Variants in GPR149 observed in about 807,000 individuals in gnomAD.
GPR149 encodes probable G protein-coupled receptor 149.
In GPR149, 50 loss-of-function variants were observed where a neutral mutation model predicts 50.2. That is an observed-to-expected ratio of 1.00 (90% CI 0.79 to 1.26). GPR149 has a LOEUF of 1.26. Among genes scored for constraint, GPR149 ranks in the 50% most tolerant of loss-of-function variants. The probability of loss-of-function intolerance (pLI) is 0.00; values close to 1 mark genes in which losing one functional copy is unlikely to be tolerated. For missense variants in GPR149, 983 were observed against 895.4 expected (o/e 1.10, Z -1.25); for synonymous variants, 405 against 358.2 (o/e 1.13, Z -1.48).
At chr3:154,396,576 T>C (rs1449648384) in intron 3 of GPR149, among the ~76,000 whole-genome samples, 1 of 152,086 alleles carries the variant, frequency 6.6e-6, no homozygotes, top group African/African-American at 2.4e-5. Flanking sequence ...GTATCATTTT[T>C]AGGGAGTTTA....
chr3:154,349,520 A>C (rs1044913901), intron 3 of GPR149, among the ~76,000 whole-genome samples: 4 of 152,228 alleles, frequency 2.6e-5, no homozygotes, highest in Non-Finnish European at 5.9e-5. Flanking sequence ...CTTGTAAAAC[A>C]AACTACTACA....
intron 3 of GPR149, among the ~76,000 whole-genome samples, chr3:154,403,150 A>G (rs1346739768): frequency 1.3e-5 from 2 of 152,224 alleles, no homozygotes; most frequent in Non-Finnish European, 2.9e-5. Flanking sequence ...GGATAGAAAC[A>G]TGAAGGATAA....
intron 3 of GPR149, among the ~76,000 whole-genome samples, chr3:154,347,939 T>G (rs956488871): frequency 2.6e-5 from 4 of 152,250 alleles, no homozygotes; most frequent in Non-Finnish European, 4.4e-5. Flanking sequence ...CTGTGGAGGG[T>G]AGTGGTGAAG....
chr3:154,366,542 T>C (rs1714536936), intron 3 of GPR149, among the ~76,000 whole-genome samples: 1 of 152,178 alleles, frequency 6.6e-6, no homozygotes, highest in Non-Finnish European at 1.5e-5. Flanking sequence ...TTTACATCTA[T>C]TCTCTGTGAT....
intron 2 of GPR149, among the ~76,000 whole-genome samples, chr3:154,423,961 T>C (rs1245953753): frequency 6.6e-6 from 1 of 151,872 alleles, no homozygotes; most frequent in Non-Finnish European, 1.5e-5. Context: ...AACTCGTCAT[T>C]TACATTAGGT....
chr3:154,386,755 T>A (rs757100944), intron 3 of GPR149, among the ~76,000 whole-genome samples: 1 of 152,218 alleles, frequency 6.6e-6, no homozygotes, highest in African/African-American at 2.4e-5. Context: ...ACCACTGCGA[T>A]TGAATTCTCA....
chr3:154,422,387 T>C (rs928556224), intron 2 of GPR149, among the ~76,000 whole-genome samples: 1 of 151,668 alleles, frequency 6.6e-6, no homozygotes, highest in African/African-American at 2.4e-5. Context: ...TATATCAAGG[T>C]GGTAGACAAG....
chr3:154,338,302 A>G, intron 3 of GPR149, 31 bp from the exon 4 acceptor site: 1 of 1,480,304 alleles, frequency 6.8e-7, no homozygotes, highest in Non-Finnish European at 9.1e-7. Context: ...GTTATTGTTG[A>G]AAGCTAGGTT....
intron 3 of GPR149, among the ~76,000 whole-genome samples, chr3:154,355,171 G>C (rs1384228120): frequency 6.6e-6 from 1 of 152,074 alleles, no homozygotes; most frequent in Non-Finnish European, 1.5e-5. Context: ...GGGATTACAG[G>C]TCCGTGCCAC....
intron 3 of GPR149, among the ~76,000 whole-genome samples, chr3:154,338,809 T>C (rs1371600436): frequency 6.6e-6 from 1 of 152,134 alleles, no homozygotes; most frequent in Non-Finnish European, 1.5e-5. Flanking sequence ...AGGAACCGAA[T>C]GTCACCAGAA....
intron 3 of GPR149, among the ~76,000 whole-genome samples, chr3:154,409,624 A>G (rs2108422825): frequency 6.6e-6 from 1 of 152,168 alleles, no homozygotes; most frequent in East Asian, 1.9e-4. Flanking sequence ...CAAGCAGAAG[A>G]AAATACTTCA....
intron 3 of GPR149, among the ~76,000 whole-genome samples, chr3:154,379,883 T>A (rs1213456476): frequency 6.6e-6 from 1 of 152,118 alleles, no homozygotes; most frequent in East Asian, 1.9e-4. Flanking sequence ...TCTGTGTATT[T>A]TTTCTTAAAA....
intron 3 of GPR149, among the ~76,000 whole-genome samples, chr3:154,395,798 G>A (rs140860067): frequency 4.8e-4 from 73 of 152,262 alleles, no homozygotes; most frequent in African/African-American, 1.6e-3. Flanking sequence ...GGGAGACCCT[G>A]TCTCAAACAA....
chr3:154,339,236 T>G (rs1372769355), intron 3 of GPR149, among the ~76,000 whole-genome samples: 1 of 152,196 alleles, frequency 6.6e-6, no homozygotes, highest in Non-Finnish European at 1.5e-5. Context: ...CCTACTCAAT[T>G]AGGTCTCAAC....
chr3:154,341,002 G>A (rs904824468), intron 3 of GPR149, among the ~76,000 whole-genome samples: 1 of 152,140 alleles, frequency 6.6e-6, no homozygotes, highest in African/African-American at 2.4e-5. Context: ...TTACAGGCGT[G>A]AGCCATCGTG....
At chr3:154,373,109 A>G (rs1049215573) in intron 3 of GPR149, among the ~76,000 whole-genome samples, 1 of 152,080 alleles carries the variant, frequency 6.6e-6, no homozygotes, top group Non-Finnish European at 1.5e-5. Context: ...GTGTGAAATG[A>G]GAAGAGGGTA....
intron 3 of GPR149, among the ~76,000 whole-genome samples, chr3:154,372,941 G>A (rs574202384): frequency 2.6e-5 from 4 of 152,210 alleles, no homozygotes; most frequent in African/African-American, 9.6e-5. Flanking sequence ...ATTCAGTGTT[G>A]TAAAGCTAAA....
chr3:154,353,733 T>A, intron 3 of GPR149: 1 of 939,068 alleles, frequency 1.1e-6, no homozygotes, highest in Non-Finnish European at 1.7e-6. Context: ...TTTCTTGATT[T>A]CTTTGGAGTC....
chr3:154,372,972 C>A (rs946480085), intron 3 of GPR149, among the ~76,000 whole-genome samples: 5 of 151,940 alleles, frequency 3.3e-5, no homozygotes, highest in African/African-American at 1.2e-4. Context: ...AATTGGATGT[C>A]CAATTTTAGA....
Sources: allele counts gnomAD v4.1 joint callset (sites outside exome capture counted in the v4.1 genomes callset), GRCh38; gene constraint gnomAD v4.1.1; transcripts MANE v1.5; gene names NCBI Gene and HGNC (gene_info 2026-07-23, HGNC 2026-07-21).